The following SRSF12 variants were observed in gnomAD, a reference collection of about 807,000 sequenced individuals.
SRSF12 encodes serine and arginine rich splicing factor 12, also known as serine/arginine-rich splicing factor 12.
Under a neutral mutation model 34.1 loss-of-function variants are expected in SRSF12, and 21 were observed. That is an observed-to-expected ratio of 0.62 (90% CI 0.44 to 0.89). SRSF12 has a LOEUF of 0.89. SRSF12 is among the 40% of genes least tolerant of loss of function. The pLI is 0.00. For synonymous variants in SRSF12, 111 were observed against 110.8 expected (o/e 1.00, Z -0.01); for missense variants, 278 against 327.8 (o/e 0.85, Z 1.17).
At chr6:89,111,291 A>G (rs1769038132) in intron 1 of SRSF12, among the ~76,000 whole-genome samples, 1 of 152,150 alleles carries the variant, frequency 6.6e-6, no homozygotes, top group African/African-American at 2.4e-5. Context: ...TTATTAGTAG[A>G]GATGGGGTTT....
intron 1 of SRSF12, among the ~76,000 whole-genome samples, chr6:89,115,993 C>T (rs922827216): frequency 1.3e-5 from 2 of 152,184 alleles, no homozygotes; most frequent in Non-Finnish European, 2.9e-5. Flanking sequence ...ATTACACATA[C>T]AAAATCCAGA....
At chr6:89,112,478 G>A (rs192617423) in intron 1 of SRSF12, among the ~76,000 whole-genome samples, 4 of 133,324 alleles carry the variant, frequency 3.0e-5, no homozygotes, top group Admixed American at 7.9e-5. Flanking sequence ...ACAGGGTCTC[G>A]CTCTGTTGCC....
At chr6:89,105,645 C>G in intron 2 of SRSF12, 115 bp from the exon 3 acceptor site, 1 of 709,042 alleles carries the variant, frequency 1.4e-6, no homozygotes, top group African/African-American at 1.8e-5. Flanking sequence ...TTATTAAGCT[C>G]ACATCTTCAA....
intron 1 of SRSF12, among the ~76,000 whole-genome samples, chr6:89,114,611 A>G (rs1326919687): frequency 6.6e-6 from 1 of 152,178 alleles, no homozygotes; most frequent in Non-Finnish European, 1.5e-5. Context: ...GCTAAAAAAA[A>G]AAAAAAGTGA....
intron 1 of SRSF12, 78 bp from the exon 2 acceptor site, chr6:89,107,336 A>G: frequency 9.0e-7 from 1 of 1,109,186 alleles, no homozygotes; most frequent in Non-Finnish European, 1.3e-6. Flanking sequence ...TCCACTTGAA[A>G]CCTTCAAAAG....
rs1027893771 is a variant in SRSF12, at chr6:89,118,034, G to A, written c.-147C>T. ...TCAGCCCCGCCAGCGCGCAGCCGCAGAGGCCGGCGCAGAGGGGGCGCAGCG... is the reference window on the plus strand; with the variant it reads ...TCAGCCCCGCCAGCGCGCAGCCGCAAAGGCCGGCGCAGAGGGGGCGCAGCG... On this transcript the variant is annotated 5_prime_UTR_variant, in exon 1 of 5. Coordinates refer to ENST00000452027, the MANE Select transcript of SRSF12 (RefSeq NM_080743.5). The A allele has an allele frequency of 2.1e-4, 151 of 736,412 alleles. No homozygotes were observed. The highest frequency in any genetic ancestry group is 2.8e-4 in the Non-Finnish European group (144 of 507,136). The allele number at this position is 736,412 out of a possible 1,614,324, so 45.6% of individuals were successfully genotyped here.
At chr6:89,113,583 A>G in intron 1 of SRSF12, among the ~76,000 whole-genome samples, 1 of 152,218 alleles carries the variant, frequency 6.6e-6, no homozygotes, top group East Asian at 1.9e-4. Context: ...TGCTGGGATT[A>G]TAGATGTGAG....
At chr6:89,112,115 C>A (rs1233415385) in intron 1 of SRSF12, among the ~76,000 whole-genome samples, 1 of 151,658 alleles carries the variant, frequency 6.6e-6, no homozygotes, top group African/African-American at 2.4e-5. Context: ...TCAAGAGATT[C>A]TCATGACTCA....
At chr6:89,108,278 T>A (rs1197095446) in intron 1 of SRSF12, among the ~76,000 whole-genome samples, 1 of 152,244 alleles carries the variant, frequency 6.6e-6, no homozygotes, top group African/African-American at 2.4e-5. Context: ...TGCATTTATA[T>A]GTTAGCCAGT....
chr6:89,117,799 C>T, intron 1 of SRSF12, 24 bp downstream of exon 1: 2 of 1,544,076 alleles, frequency 1.3e-6, no homozygotes, highest in Non-Finnish European at 1.7e-6. Context: ...TCCGCGCCCC[C>T]AACCTGCAGC....
intron 2 of SRSF12, chr6:89,105,780 G>A (rs980212621): frequency 1.8e-5 from 4 of 227,124 alleles, no homozygotes; most frequent in African/African-American, 9.1e-5. Context: ...TACTTTTAGT[G>A]TCTACAATAG....
At chr6:89,101,294 T>C (rs965620411) in intron 4 of SRSF12, among the ~76,000 whole-genome samples, 19 of 152,084 alleles carry the variant, frequency 1.2e-4, no homozygotes, top group Admixed American at 3.3e-4. Flanking sequence ...GAAGAGATAA[T>C]AGCATAGAAT....
intron 1 of SRSF12, among the ~76,000 whole-genome samples, chr6:89,115,631 C>CTTTTTTTTTTTTT (rs760005395): frequency 7.8e-6 from 1 of 129,006 alleles, no homozygotes; most frequent in Non-Finnish European, 1.6e-5. Context: ...TTTTTTCTTT[C>CTTTTTTTTTTTTT]TTTTTTTTTT....
At chr6:89,106,164 A>G (rs923546988) in intron 2 of SRSF12, among the ~76,000 whole-genome samples, 53 of 152,188 alleles carry the variant, frequency 3.5e-4, no homozygotes, top group African/African-American at 1.3e-3. Context: ...CTTGTCACCC[A>G]GGCTGGAGTG....
At chr6:89,112,026 G>A (rs1409898566) in intron 1 of SRSF12, among the ~76,000 whole-genome samples, 1 of 152,040 alleles carries the variant, frequency 6.6e-6, no homozygotes, top group Non-Finnish European at 1.5e-5. Flanking sequence ...TATTTATTTT[G>A]AGACCGAGCC....
chr6:89,101,109 C>CA (rs764910655), intron 4 of SRSF12, among the ~76,000 whole-genome samples: 957 of 54,554 alleles, frequency 0.018, 10 homozygotes, highest in African/African-American at 0.038. Flanking sequence ...ACCTCCAAGA[C>CA]AAAAAAAAAA....
chr6:89,117,873 C>G lies in SRSF12; in HGVS notation c.15G>C (p.Thr5=), dbSNP rs561183667. Residue 5 remains threonine (T), a synonymous_variant, in exon 1 of 5, where the codon ACG becomes ACC. Transcript: ENST00000452027. ...TGAACAGGGAGGTGTTGGGGGGCCT[C>G]GTGTAGCGAGACATGACCGCTTCCT... MSRY[T]RPPNTSLFIR... 5.8e-5 allele frequency: 91 copies of G among 1,562,666 alleles called. 1 individual carries two copies. In the South Asian group the frequency reaches 9.5e-4, roughly 16 times the overall value.
intron 4 of SRSF12, among the ~76,000 whole-genome samples, chr6:89,104,566 T>A (rs1768698030): frequency 6.6e-6 from 1 of 151,812 alleles, no homozygotes; most frequent in African/African-American, 2.4e-5. Flanking sequence ...TTTTTTTTTC[T>A]GCTCACTATA....
Position 89,098,668 on chromosome 6 carries a change from GGT to G in SRSF12, c.694_695del (p.Thr232GlnfsTer3), listed in dbSNP as rs1562190338. The G allele has an allele frequency of 1.9e-6, 3 of 1,613,924 alleles. No homozygotes were observed. The highest frequency in any genetic ancestry group is 1.7e-6 in the Non-Finnish European group (2 of 1,179,868). ...CTGTTTGTACTTTAGTTTCAGAATT[GGT>G]ATACCCTTTGGGAGATTTACACGGG... ...RSPCKSPKGYTNSETKVQTAK... is the reference protein window; with the variant it reads ...RSPCKSPKGYXNSETKVQTAK... On this transcript the variant is annotated frameshift_variant, in exon 5 of 5. Coordinates refer to ENST00000452027, the MANE Select transcript of SRSF12 (RefSeq NM_080743.5). LOFTEE classifies it high-confidence loss of function.
Sources: allele counts gnomAD v4.1 joint callset (sites outside exome capture counted in the v4.1 genomes callset), GRCh38; gene constraint gnomAD v4.1.1; transcripts MANE v1.5; gene names NCBI Gene and HGNC (gene_info 2026-07-23, HGNC 2026-07-21).